The following GSAP variants were observed in gnomAD, a reference collection of about 807,000 sequenced individuals.
The protein encoded by GSAP is gamma-secretase activating protein, also known as gamma-secretase-activating protein.
GSAP carries 118 observed loss-of-function variants against 131.7 expected under a neutral mutation model. The ratio of observed to expected loss-of-function variants is 0.90; its 90% confidence interval spans 0.77 to 1.04. GSAP has a LOEUF of 1.04. Among genes scored for constraint, GSAP ranks in the 50% least tolerant of loss-of-function variants. The pLI, the probability that GSAP is intolerant of heterozygous loss-of-function variation, is 0.00. For missense variants in GSAP, 1,019 were observed against 1,013.2 expected (o/e 1.01, Z -0.08); for synonymous variants, 381 against 363.4 (o/e 1.05, Z -0.55).
intron 1 of GSAP, 36 bp downstream of exon 1, chr7:77,416,177 C>CCCCCCCCCCCCCACACCCCA: frequency 8.7e-7 from 1 of 1,154,790 alleles, no homozygotes; most frequent in Non-Finnish European, 1.2e-6. Context: ...CTCCCACTCC[C>CCCCCCCCCCCCCACACCCCA]CGCCCCCACC....
At chr7:77,381,398 T>C (rs748670401) in intron 7 of GSAP, 44 bp from the exon 8 acceptor site, 5 of 998,740 alleles carry the variant, frequency 5.0e-6, no homozygotes, top group Admixed American at 4.8e-5. Flanking sequence ...CTTAAGGAAA[T>C]ATATGAGTAC....
chr7:77,352,878 T>C, intron 18 of GSAP, 66 bp downstream of exon 18: 1 of 906,266 alleles, frequency 1.1e-6, no homozygotes. Context: ...AAGAGAGGTG[T>C]CCAACAACTG....
At chr7:77,346,234 C>T (rs1791815035) in intron 19 of GSAP, among the ~76,000 whole-genome samples, 2 of 136,672 alleles carry the variant, frequency 1.5e-5, no homozygotes, top group African/African-American at 2.8e-5. Flanking sequence ...CACACCAAAG[C>T]ACTCCAGCCT....
chr7:77,346,537 C>CAA (rs200707510), intron 19 of GSAP, among the ~76,000 whole-genome samples: 32 of 107,808 alleles, frequency 3.0e-4, no homozygotes, highest in Middle Eastern at 5.2e-3. Flanking sequence ...CTGTCTCTAC[C>CAA]AAAAAAAAAA....
chr7:77,401,955 G>A (rs1801387648), intron 3 of GSAP, among the ~76,000 whole-genome samples: 1 of 152,138 alleles, frequency 6.6e-6, no homozygotes, highest in Non-Finnish European at 1.5e-5. Context: ...TAATGAAATG[G>A]CATAGAACCA....
chr7:77,341,560 C>G (rs1253458042), intron 19 of GSAP, among the ~76,000 whole-genome samples: 1 of 152,182 alleles, frequency 6.6e-6, no homozygotes, highest in Admixed American at 6.5e-5. Flanking sequence ...CGACCTCTCC[C>G]AAATCAGTTA....
intron 19 of GSAP, among the ~76,000 whole-genome samples, chr7:77,343,441 G>C (rs1459911435): frequency 6.6e-6 from 1 of 151,932 alleles, no homozygotes; most frequent in African/African-American, 2.4e-5. Flanking sequence ...TTATATAATA[G>C]GCAAAAAGAG....
rs1793102870 is a variant in GSAP at position 77,352,944 on chromosome 7, T to C, written c.1491A>G (p.Thr497=). 3 of 1,550,328 alleles carry C rather than the reference T, an allele frequency of 1.9e-6. No homozygotes were observed. Among genetic ancestry groups the C allele is most frequent in the Non-Finnish European group, 2.7e-6 (3 of 1,122,072 alleles). ...TACAGCATACACAGTGTTAACTTAC[T>C]GTATTCCAAGTGAGCACTGAGGAAT... ...LPHSSVLTWN[T]EIPGITLVTE... Residue 497 remains threonine (T), a splice_region_variant and synonymous_variant, in exon 18 of 31, where the codon ACA becomes ACG. Transcript: ENST00000257626.
At chr7:77,355,174 G>A (rs370826452) in intron 16 of GSAP, 39 bp downstream of exon 16, 30 of 1,259,470 alleles carry the variant, frequency 2.4e-5, no homozygotes, top group African/African-American at 1.2e-4. Flanking sequence ...GTTCAGTGTC[G>A]TCTATCTGCC....
At chr7:77,361,813 T>C (rs185620743) in intron 13 of GSAP, among the ~76,000 whole-genome samples, 59 of 152,310 alleles carry the variant, frequency 3.9e-4, no homozygotes, top group Admixed American at 1.2e-3. Flanking sequence ...AGTTAGGCAT[T>C]TGACTGCTTC....
At chr7:77,390,947 A>T (rs140573065) in intron 5 of GSAP, among the ~76,000 whole-genome samples, 1,928 of 24,684 alleles carry the variant, frequency 0.078, 30 homozygotes, top group African/African-American at 0.11. Context: ...GACTCCGTCT[A>T]AAAAAAAAAA....
intron 30 of GSAP, 102 bp from the exon 31 acceptor site, chr7:77,311,551 T>C (rs1794357013): frequency 3.1e-6 from 2 of 638,666 alleles, no homozygotes; most frequent in Non-Finnish European, 5.5e-6. Context: ...AATTGTATTT[T>C]AGTAAAATGA....
At position 77,328,587 on chromosome 7, in the gene GSAP, A is replaced by G. The variant is rs1457027701; in HGVS notation, c.1765+19T>C. The G allele has an allele frequency of 6.2e-7, 1 of 1,607,792 alleles. No homozygotes were observed. Among genetic ancestry groups the G allele is most frequent in the African/African-American group, 1.3e-5 (1 of 74,508 alleles). On this transcript the variant is annotated intron_variant, in intron 22 of 30. Transcript: ENST00000257626. ...CACTGACTGGAACCCAGAAGGCTTT[A>G]TTACAGATCTTTTCTTACCCAAATT...
chr7:77,408,190 G>T (rs886153700), intron 1 of GSAP, among the ~76,000 whole-genome samples: 3 of 152,148 alleles, frequency 2.0e-5, no homozygotes, highest in African/African-American at 7.2e-5. Context: ...CTTATAACTT[G>T]TGTCCTTGTC....
intron 19 of GSAP, among the ~76,000 whole-genome samples, chr7:77,348,957 C>T (rs185956476): frequency 9.3e-5 from 14 of 151,034 alleles, no homozygotes; most frequent in East Asian, 3.9e-4. Context: ...TGTGTGTGCA[C>T]GTGCACGTGC....
At position 77,355,265 on chromosome 7, in the gene GSAP, G is replaced by T; in HGVS notation, c.1286C>A (p.Ala429Glu). ...ACCGCAGTAGAGCGCGCAGTGCAAC[G>T]CAGCCATCTTCTCACAGTCTAAGCA... ...NTCLDCEKMA[A>E]LHCALYCGQG... The change falls in exon 16 of 31, where the codon GCG (alanine) becomes GAG (glutamate). Residue 429 changes from alanine (A) to glutamate (E), a missense_variant. Transcript: ENST00000257626. 1 of 1,613,966 alleles carries T rather than the reference G, an allele frequency of 6.2e-7. No homozygotes were observed. The highest frequency in any genetic ancestry group is 8.5e-7 in the Non-Finnish European group (1 of 1,179,910).
chr7:77,380,217 T>G (rs1797590659), intron 8 of GSAP, among the ~76,000 whole-genome samples: 2 of 152,176 alleles, frequency 1.3e-5, no homozygotes, highest in Admixed American at 1.3e-4. Flanking sequence ...CAACTTAGAC[T>G]CATCCAATTG....
At chr7:77,390,431 G>A (rs919565229) in intron 5 of GSAP, among the ~76,000 whole-genome samples, 8 of 152,264 alleles carry the variant, frequency 5.3e-5, no homozygotes, top group African/African-American at 1.7e-4. Flanking sequence ...TTACATTTAA[G>A]TCTTTAATCC....
intron 12 of GSAP, among the ~76,000 whole-genome samples, chr7:77,370,716 C>A (rs1384456502): frequency 6.6e-6 from 1 of 152,208 alleles, no homozygotes. Context: ...CATGTCTACA[C>A]ATGCTGCTAT....
Sources: allele counts gnomAD v4.1 joint callset (sites outside exome capture counted in the v4.1 genomes callset), GRCh38; gene constraint gnomAD v4.1.1; transcripts MANE v1.5; gene names NCBI Gene and HGNC (gene_info 2026-07-23, HGNC 2026-07-21).